The following STXBP5 variants were observed in gnomAD, a reference collection of about 807,000 sequenced individuals.
STXBP5 encodes the protein syntaxin-binding protein 5.
A neutral mutation model predicts 152.4 loss-of-function variants in STXBP5; 50 were observed. That is an observed-to-expected ratio of 0.33 (90% CI 0.26 to 0.42). The LOEUF is 0.42. STXBP5 is among the 10% of genes least tolerant of loss of function. The probability of loss-of-function intolerance (pLI) is 1.00; values close to 1 mark genes in which losing one functional copy is unlikely to be tolerated. For missense variants in STXBP5, 1,167 were observed against 1,388.6 expected (o/e 0.84, Z 2.54); for synonymous variants, 492 against 494.7 (o/e 0.99, Z 0.07).
intron 21 of STXBP5, among the ~76,000 whole-genome samples, chr6:147,341,129 G>A (rs951349695): frequency 1.3e-5 from 2 of 151,452 alleles, no homozygotes; most frequent in African/African-American, 4.9e-5. Context: ...TTAGTGTCAC[G>A]TTTTTTTTCT....
chr6:147,362,954 A>G (rs1785130908), intron 23 of STXBP5, among the ~76,000 whole-genome samples: 1 of 152,190 alleles, frequency 6.6e-6, no homozygotes, highest in African/African-American at 2.4e-5. Flanking sequence ...CCCCACACTG[A>G]CTGCTCCAGG....
chr6:147,213,912 A>G (rs1777026619), intron 2 of STXBP5, among the ~76,000 whole-genome samples: 1 of 152,236 alleles, frequency 6.6e-6, no homozygotes, highest in South Asian at 2.1e-4. Flanking sequence ...TAAACATAAT[A>G]TAGTTCTACA....
chr6:147,289,908 T>C (rs1315400729), intron 8 of STXBP5, among the ~76,000 whole-genome samples: 1 of 152,124 alleles, frequency 6.6e-6, no homozygotes, highest in East Asian at 1.9e-4. Flanking sequence ...ACTAAAAATG[T>C]TCGCTTTCCT....
chr6:147,334,431 T>C (rs1472433234), intron 19 of STXBP5, among the ~76,000 whole-genome samples: 1 of 152,200 alleles, frequency 6.6e-6, no homozygotes, highest in Non-Finnish European at 1.5e-5. Flanking sequence ...TCCAAAACTT[T>C]ACCTGCTGAG....
At chr6:147,269,657 A>G (rs1430964451) in intron 7 of STXBP5, among the ~76,000 whole-genome samples, 1 of 152,198 alleles carries the variant, frequency 6.6e-6, no homozygotes, top group Non-Finnish European at 1.5e-5. Flanking sequence ...TTGAAAAAAG[A>G]CATGGAAGGC....
intron 2 of STXBP5, among the ~76,000 whole-genome samples, chr6:147,209,118 G>C (rs1776720024): frequency 6.6e-6 from 1 of 151,942 alleles, no homozygotes. Context: ...TATTTTTAAA[G>C]TAAATTTTTT....
intron 3 of STXBP5, among the ~76,000 whole-genome samples, chr6:147,237,937 A>G (rs1778359300): frequency 6.6e-6 from 1 of 152,214 alleles, no homozygotes; most frequent in Non-Finnish European, 1.5e-5. Context: ...TAGATTTCTG[A>G]GTCCTTTGAG....
intron 25 of STXBP5, among the ~76,000 whole-genome samples, chr6:147,370,959 C>G (rs1357845711): frequency 2.0e-5 from 3 of 152,030 alleles, no homozygotes; most frequent in Non-Finnish European, 4.4e-5. Context: ...AAAGCCCATA[C>G]ATTGACCCAT....
At chr6:147,310,940 T>C (rs969020705) in intron 10 of STXBP5, among the ~76,000 whole-genome samples, 2 of 152,126 alleles carry the variant, frequency 1.3e-5, no homozygotes, top group Non-Finnish European at 2.9e-5. Context: ...CACCATATTA[T>C]AGACAAATTG....
At chr6:147,327,002 C>T (rs1783293236) in intron 17 of STXBP5, 123 bp from the exon 18 acceptor site, 2 of 829,464 alleles carry the variant, frequency 2.4e-6, no homozygotes, top group Non-Finnish European at 1.8e-6. Flanking sequence ...CTATAGTTGT[C>T]TTTTGTTTCA....
intron 2 of STXBP5, among the ~76,000 whole-genome samples, chr6:147,211,551 A>C (rs1258662289): frequency 6.6e-6 from 1 of 152,118 alleles, no homozygotes; most frequent in Non-Finnish European, 1.5e-5. Context: ...TGAAATAATT[A>C]AAAGTAAAAT....
intron 4 of STXBP5, among the ~76,000 whole-genome samples, chr6:147,239,776 G>A (rs1043673508): frequency 4.6e-5 from 7 of 152,088 alleles, no homozygotes; most frequent in Non-Finnish European, 8.8e-5. Context: ...TGTTACATAT[G>A]TCTTTGTCTA....
chr6:147,226,896 G>T (rs1326555880), intron 2 of STXBP5, among the ~76,000 whole-genome samples: 1 of 152,074 alleles, frequency 6.6e-6, no homozygotes, highest in Non-Finnish European at 1.5e-5. Flanking sequence ...TACCTCCTAG[G>T]AGCTACTAAA....
At chr6:147,325,976 C>A (rs2128385783) in intron 17 of STXBP5, among the ~76,000 whole-genome samples, 1 of 152,078 alleles carries the variant, frequency 6.6e-6, no homozygotes, top group Admixed American at 6.5e-5. Flanking sequence ...TGTAAATAAT[C>A]TCAAGATGAT....
At chr6:147,288,186 G>A (rs1781089054) in intron 8 of STXBP5, among the ~76,000 whole-genome samples, 1 of 152,198 alleles carries the variant, frequency 6.6e-6, no homozygotes, top group African/African-American at 2.4e-5. Context: ...GTTCTGGAAT[G>A]CCCTGGGGGT....
Position 147,204,769 on chromosome 6 carries a change from A to C in STXBP5, c.150+87A>C. Reference sequence around the variant, plus strand: ...CTACTCGGGCTTTACATGGGAATGCAAGGGAAGAGAACGCCAATAATAATA... The same window carrying C: ...CTACTCGGGCTTTACATGGGAATGCCAGGGAAGAGAACGCCAATAATAATA... On this transcript the variant is annotated intron_variant, in intron 1 of 27. Transcript: ENST00000321680. The surrounding 1 kb of genome is among the most constrained non-coding windows in gnomAD (Gnocchi z 4.3). 7.6e-7 allele frequency: 1 copy of C among 1,314,830 alleles called. No individual in the cohort carries two copies. The highest frequency in any genetic ancestry group is 1.0e-6 in the Non-Finnish European group (1 of 985,986). The allele number at this position is 1,314,830 out of a possible 1,614,324, so 81.4% of individuals were successfully genotyped here.
chr6:147,282,582 C>T (rs1051758164), intron 8 of STXBP5, among the ~76,000 whole-genome samples: 17 of 152,218 alleles, frequency 1.1e-4, no homozygotes, highest in African/African-American at 4.1e-4. Flanking sequence ...CGGTTATTTC[C>T]TTTCAGTGGG....
chr6:147,382,884 AT>A lies in STXBP5; in HGVS notation c.3302del (p.Leu1101Ter). 6.2e-7 allele frequency: 1 copy of A among 1,613,530 alleles called. No individual in the cohort carries two copies. On this transcript the variant is annotated frameshift_variant, in exon 27 of 28. Transcript: ENST00000321680. LOFTEE classifies it high-confidence loss of function. ...KGAASGVVGE[L>X]ARARLALDER... ...GGGCAGCATCTGGAGTTGTTGGTGAATTAGCACGAGCCAGGCTGGCACTAGA... is the reference window on the plus strand; with the variant it reads ...GGGCAGCATCTGGAGTTGTTGGTGAATAGCACGAGCCAGGCTGGCACTAGA...
chr6:147,347,994 A>T (rs542645761), intron 21 of STXBP5, among the ~76,000 whole-genome samples: 1 of 152,198 alleles, frequency 6.6e-6, no homozygotes. Context: ...GTATTATTTG[A>T]ATTCTTTATA....
Sources: gnomAD v4.1 joint callset for allele counts (sites outside exome capture counted in the v4.1 genomes callset) on GRCh38, gnomAD v4.1.1 for gene constraint, Gnocchi (gnomAD v3.1) non-coding constraint, MANE v1.5 for transcripts, NCBI Gene and HGNC (gene_info 2026-07-23, HGNC 2026-07-21) for gene names.